Variants in ITPR1 observed in about 807,000 individuals in gnomAD.
The protein encoded by ITPR1 is inositol 1,4,5-trisphosphate receptor type 1, also known as inositol 1,4,5-trisphosphate-gated calcium channel ITPR1.
Under a neutral mutation model 318.4 loss-of-function variants are expected in ITPR1, and 96 were observed. The ratio of observed to expected loss-of-function variants is 0.30; its 90% confidence interval spans 0.26 to 0.36. The LOEUF is 0.36. Among genes scored for constraint, ITPR1 ranks in the 10% least tolerant of loss-of-function variants. The probability of loss-of-function intolerance (pLI) is 1.00; values close to 1 mark genes in which losing one functional copy is unlikely to be tolerated. For missense variants in ITPR1, 2,440 were observed against 3,460.2 expected (o/e 0.71, Z 7.40); for synonymous variants, 1,312 against 1,289.9 (o/e 1.02, Z -0.37).
At chr3:4,793,219 A>G (rs370465012) in intron 52 of ITPR1, among the ~76,000 whole-genome samples, 30 of 152,362 alleles carry the variant, frequency 2.0e-4, no homozygotes, top group African/African-American at 6.5e-4. Context: ...TTCATGAACT[A>G]TATGCCATAG....
intron 4 of ITPR1, among the ~76,000 whole-genome samples, chr3:4,554,609 T>C (rs1056604089): frequency 1.3e-5 from 2 of 152,046 alleles, no homozygotes; most frequent in African/African-American, 4.8e-5. Context: ...ACAGTGTGGC[T>C]ACAGGTTACA....
chr3:4,719,306 T>C (rs1367543146), intron 40 of ITPR1, among the ~76,000 whole-genome samples: 2 of 152,260 alleles, frequency 1.3e-5, no homozygotes. Flanking sequence ...GGGACACCGA[T>C]GCCCTGTCCC....
rs976382096 is a variant in ITPR1, at chr3:4,642,259, C to A, written c.525+8C>A. On this transcript the variant is annotated splice_region_variant and intron_variant, in intron 7 of 61. Transcript: ENST00000649015. ...CGATCCATTGGAGACAGCGTAAGTG[C>A]GGATTCTCCACCTAGAAAGTCTTCC... 1 of 1,517,248 alleles carries A rather than the reference C, an allele frequency of 6.6e-7. No homozygotes were observed. Among genetic ancestry groups the A allele is most frequent in the Non-Finnish European group, 8.8e-7 (1 of 1,132,222 alleles). The allele number at this position is 1,517,248 out of a possible 1,614,324, so 94.0% of individuals were successfully genotyped here. A position where few individuals can be genotyped will look rare whatever the true frequency, so the allele number is the denominator to read the frequency against.
At chr3:4,836,268 T>C (rs926596464) in intron 60 of ITPR1, among the ~76,000 whole-genome samples, 4 of 151,998 alleles carry the variant, frequency 2.6e-5, no homozygotes, top group Admixed American at 2.0e-4. Flanking sequence ...ATGGGGTTAG[T>C]GTTTGATGGG....
chr3:4,673,997 A>G (rs1029603058), intron 21 of ITPR1, among the ~76,000 whole-genome samples: 1 of 152,154 alleles, frequency 6.6e-6, no homozygotes, highest in Non-Finnish European at 1.5e-5. Context: ...AGCAATCTCT[A>G]TGCTAGTTGG....
chr3:4,760,379 C>G lies in ITPR1; in HGVS notation c.5545-6151C>G, dbSNP rs530307848. Among the ~76,000 whole-genome samples the G allele has an allele frequency of 2.6e-5, 4 of 152,314 alleles. No homozygotes were observed. In the South Asian group the frequency reaches 8.3e-4, roughly 32 times the overall value. The stretch of plus-strand genomic sequence containing the variant: ...GAAGGTGGCCCCTCTACAGAGTTCC[C>G]CAGCTTTCTGGGAACAAAGCAGACT... On this transcript the variant is annotated intron_variant, in intron 44 of 61. Transcript: ENST00000649015.
chr3:4,523,139 A>G (rs73005403), intron 4 of ITPR1, among the ~76,000 whole-genome samples: 12,039 of 152,224 alleles, frequency 0.079, 525 homozygotes, highest in Non-Finnish European at 0.092. Context: ...AGCTGGGACC[A>G]AGGGGAGGGA....
intron 4 of ITPR1, among the ~76,000 whole-genome samples, chr3:4,580,882 G>A (rs901589097): frequency 3.3e-5 from 5 of 152,078 alleles, no homozygotes; most frequent in Admixed American, 6.6e-5. Flanking sequence ...TAAGAGTAAC[G>A]TCAGGCAGGA....
chr3:4,699,527 G>C (rs1367215296), intron 34 of ITPR1, among the ~76,000 whole-genome samples: 2 of 152,214 alleles, frequency 1.3e-5, no homozygotes, highest in Admixed American at 1.3e-4. Context: ...ACTGCCGTTT[G>C]GGGTTTTGGA....
intron 60 of ITPR1, among the ~76,000 whole-genome samples, chr3:4,833,734 G>A (rs994384272): frequency 2.6e-5 from 4 of 152,182 alleles, no homozygotes; most frequent in African/African-American, 9.7e-5. Context: ...AGTGGCCTCT[G>A]TGAAATGCCC....
chr3:4,575,419 T>A (rs2088536201), intron 4 of ITPR1, among the ~76,000 whole-genome samples: 1 of 152,180 alleles, frequency 6.6e-6, no homozygotes, highest in South Asian at 2.1e-4. Flanking sequence ...TAAAATATGC[T>A]TGGAAGATAA....
intron 4 of ITPR1, among the ~76,000 whole-genome samples, chr3:4,535,452 T>A (rs868503755): frequency 2.6e-4 from 37 of 140,672 alleles, no homozygotes; most frequent in African/African-American, 9.6e-4. Context: ...ATTTTTTTTT[T>A]TTTTTTTTGA....
chr3:4,591,540 T>G (rs984604054), intron 4 of ITPR1, among the ~76,000 whole-genome samples: 2 of 152,224 alleles, frequency 1.3e-5, no homozygotes, highest in Non-Finnish European at 2.9e-5. Context: ...GGAAAGCATT[T>G]CCTTGTTTCT....
Position 4,685,215 on chromosome 3 carries a change from T to C in ITPR1, c.3702+9T>C, listed in dbSNP as rs2094371400. ...AGATTCCCTATGAGAAGGTGAGCGG[T>C]GCCTCATGCACAGCAGCTGCTCTCA... On this transcript the variant is annotated intron_variant, in intron 30 of 61. Coordinates refer to ENST00000649015, the MANE Select transcript of ITPR1 (RefSeq NM_001378452.1). 6.3e-7 allele frequency: 1 copy of C among 1,595,404 alleles called. No individual in the cohort carries two copies.
intron 5 of ITPR1, among the ~76,000 whole-genome samples, chr3:4,631,017 A>C (rs1428247705): frequency 6.6e-6 from 1 of 152,212 alleles, no homozygotes; most frequent in Non-Finnish European, 1.5e-5. Flanking sequence ...TTCTTTTGCA[A>C]GTTTAACTTC....
chr3:4,826,393 C>A lies in ITPR1; in HGVS notation c.8028+8151C>A, dbSNP rs2050077881. 6.6e-6 allele frequency among the ~76,000 whole-genome samples: 1 copy of A among 152,222 alleles called. No individual in the cohort carries two copies. Among genetic ancestry groups the A allele is most frequent in the Non-Finnish European group, 1.5e-5 (1 of 68,036 alleles). ...ATGGGTGAGGATACAGCCTGTGCTG[C>A]CTGCCAAATACGATTCCCAGAATGC... On this transcript the variant is annotated intron_variant, in intron 60 of 61. Coordinates refer to ENST00000649015, the MANE Select transcript of ITPR1 (RefSeq NM_001378452.1). The surrounding 1 kb of genome is among the most constrained non-coding windows in gnomAD (Gnocchi z 4.2).
rs777779365 is a variant in ITPR1 at position 4,710,309 on chromosome 3, T to C, written c.4843-16T>C. 2 of 1,531,106 alleles carry C rather than the reference T, an allele frequency of 1.3e-6. No individual in the cohort carries two copies. Among genetic ancestry groups the C allele is most frequent in the Non-Finnish European group, 1.8e-6 (2 of 1,131,130 alleles). The allele number at this position is 1,531,106 out of a possible 1,614,324, so 94.8% of individuals were successfully genotyped here. A position where few individuals can be genotyped will look rare whatever the true frequency, so the allele number is the denominator to read the frequency against. On this transcript the variant is annotated splice_polypyrimidine_tract_variant and intron_variant, in intron 37 of 61. Transcript: ENST00000649015. This position sits in a 1 kb window ranked among gnomAD's most constrained non-coding sequence, Gnocchi z 4.2. The stretch of plus-strand genomic sequence containing the variant: ...GTCTGCCTGAGCCGTTGACTGAGGC[T>C]GTGTTTCCGTTTTAGGACATCGTCT...
chr3:4,588,079 A>G (rs981446661), intron 4 of ITPR1, among the ~76,000 whole-genome samples: 6 of 152,188 alleles, frequency 3.9e-5, no homozygotes, highest in East Asian at 1.9e-4. Context: ...ATTTGGTTCA[A>G]TCTGACACTT....
chr3:4,588,063 A>T (rs971845895), intron 4 of ITPR1, among the ~76,000 whole-genome samples: 95 of 152,178 alleles, frequency 6.2e-4, no homozygotes, highest in African/African-American at 2.3e-3. Flanking sequence ...CAAAGTCCTC[A>T]AAGACATTTG....
Sources: allele counts gnomAD v4.1 joint callset (sites outside exome capture counted in the v4.1 genomes callset), GRCh38; gene constraint gnomAD v4.1.1; non-coding constraint Gnocchi (gnomAD v3.1); transcripts MANE v1.5; gene names NCBI Gene and HGNC (gene_info 2026-07-23, HGNC 2026-07-21).